Variants in PPARGC1B observed in about 807,000 individuals in gnomAD.
PPARGC1B encodes the protein peroxisome proliferator-activated receptor gamma coactivator 1-beta.
A neutral mutation model predicts 101.6 loss-of-function variants in PPARGC1B; 34 were observed. The ratio of observed to expected loss-of-function variants is 0.33; its 90% CI spans 0.25 to 0.45. The LOEUF (loss-of-function observed/expected upper bound fraction) is 0.45. PPARGC1B is among the 20% of genes least tolerant of loss of function. The pLI, the probability that PPARGC1B is intolerant of heterozygous loss-of-function variation, is 1.00. For synonymous variants in PPARGC1B, 548 were observed against 539.3 expected, an observed-to-expected ratio of 1.02 and a Z score of -0.22; for missense variants, 1,234 against 1,317.6, an observed-to-expected ratio of 0.94 and a Z score of 0.98.
rs1344087920 is a variant in PPARGC1B at position 149,848,115 on chromosome 5, TC to T, written c.*561del. The stretch of plus-strand genomic sequence containing the variant: ...GGTGTTTGCCACTGAGCTGCCCTGC[TC>T]CCCTTGCCAGATTGCCCTGGAGGTG... On this transcript the variant is annotated 3_prime_UTR_variant, in exon 12 of 12. Transcript: ENST00000309241. 1 of 153,916 alleles carries T rather than the reference TC, an allele frequency of 6.5e-6. No homozygotes were observed. The highest frequency in any genetic ancestry group is 2.4e-5 in the African/African-American group (1 of 41,470). The allele number at this position is 153,916 out of a possible 1,614,324, so 9.5% of individuals were successfully genotyped here.
intron 1 of PPARGC1B, among the ~76,000 whole-genome samples, chr5:149,806,056 T>C (rs1757586213): frequency 6.6e-6 from 1 of 152,232 alleles, no homozygotes; most frequent in Non-Finnish European, 1.5e-5. Context: ...AAGCCCAGGC[T>C]GGTGTGGAGT....
chr5:149,796,747 T>G (rs1324935062), intron 1 of PPARGC1B, among the ~76,000 whole-genome samples: 1 of 152,130 alleles, frequency 6.6e-6, no homozygotes, highest in Non-Finnish European at 1.5e-5. Flanking sequence ...TACTTAAATT[T>G]TGCTCCTCAG....
chr5:149,743,257 C>G (rs1431286256), intron 1 of PPARGC1B, among the ~76,000 whole-genome samples: 3 of 149,828 alleles, frequency 2.0e-5, no homozygotes, highest in Non-Finnish European at 4.4e-5. Context: ...CTGGGTTCAA[C>G]TGATTCTCCT....
At chr5:149,821,333 G>A (rs1758287549) in intron 2 of PPARGC1B, among the ~76,000 whole-genome samples, 4 of 152,214 alleles carry the variant, frequency 2.6e-5, no homozygotes, top group African/African-American at 9.6e-5. Context: ...TCAGGGGCAT[G>A]TAATGGCTAG....
intron 1 of PPARGC1B, among the ~76,000 whole-genome samples, chr5:149,806,060 G>A (rs1757586621): frequency 6.6e-6 from 1 of 152,268 alleles, no homozygotes; most frequent in African/African-American, 2.4e-5. Flanking sequence ...CCAGGCTGGT[G>A]TGGAGTCCTG....
At position 149,847,704 on chromosome 5, in the gene PPARGC1B, TAA is replaced by T. The variant is rs77950425; in HGVS notation, c.*159_*160del. 914 of 495,034 alleles carry T rather than the reference TAA, an allele frequency of 1.8e-3. 1 individual carries two copies. Among genetic ancestry groups the T allele is most frequent in the African/African-American group, 7.3e-3 (362 of 49,770 alleles). The allele number at this position is 495,034 out of a possible 1,614,324, so 30.7% of individuals were successfully genotyped here. A position where few individuals can be genotyped will look rare whatever the true frequency, so the allele number is the denominator to read the frequency against. ...AGAGAGACTTGAAACTGCTGTCCTT[TAA>T]AAAAAAAAAAAATCAATGTTTACAT... On this transcript the variant is annotated 3_prime_UTR_variant, in exon 12 of 12. Coordinates refer to ENST00000309241, the MANE Select transcript of PPARGC1B (RefSeq NM_133263.4).
intron 2 of PPARGC1B, 91 bp downstream of exon 2, chr5:149,820,697 C>T (rs560038940): frequency 2.2e-5 from 28 of 1,284,184 alleles, no homozygotes; most frequent in Non-Finnish European, 3.0e-5. Context: ...TTCTCCTGCA[C>T]TTGCTCATGC....
chr5:149,809,967 C>T (rs1757790002), intron 1 of PPARGC1B, among the ~76,000 whole-genome samples: 1 of 152,078 alleles, frequency 6.6e-6, no homozygotes, highest in Non-Finnish European at 1.5e-5. Flanking sequence ...GCGTTCCAGG[C>T]TGAGGAAGGC....
intron 1 of PPARGC1B, among the ~76,000 whole-genome samples, chr5:149,798,184 C>T (rs1345341369): frequency 6.6e-6 from 1 of 152,230 alleles, no homozygotes; most frequent in African/African-American, 2.4e-5. Context: ...ATTCCAAAGT[C>T]AGCGTTCAGA....
intron 1 of PPARGC1B, among the ~76,000 whole-genome samples, chr5:149,749,196 G>C (rs1024588275): frequency 6.6e-6 from 1 of 152,184 alleles, no homozygotes; most frequent in African/African-American, 2.4e-5. Flanking sequence ...ATGATACTTA[G>C]TGCCATCATA....
chr5:149,730,935 C>T lies in PPARGC1B; in HGVS notation c.78+515C>T, dbSNP rs1754438031. 6.6e-6 allele frequency among the ~76,000 whole-genome samples: 1 copy of T among 152,238 alleles called. No homozygotes were observed. Among genetic ancestry groups the T allele is most frequent in the Non-Finnish European group, 1.5e-5 (1 of 68,046 alleles). ...CGCGGCTTTCTACCCGCGCCCGCAG[C>T]GCGGAGTTTCCTGCCAGTTGCCGGC... On this transcript the variant is annotated intron_variant, in intron 1 of 11. Coordinates refer to ENST00000309241, the MANE Select transcript of PPARGC1B (RefSeq NM_133263.4). The surrounding 1 kb of genome is among the most constrained non-coding windows in gnomAD (Gnocchi z 4.0).
intron 1 of PPARGC1B, among the ~76,000 whole-genome samples, chr5:149,734,971 C>T (rs1754646421): frequency 6.6e-6 from 1 of 152,178 alleles, no homozygotes; most frequent in Non-Finnish European, 1.5e-5. Context: ...CCCAGAAGGG[C>T]CCCCTGCCAC....
At chr5:149,771,479 C>T (rs948320578) in intron 1 of PPARGC1B, among the ~76,000 whole-genome samples, 3 of 152,266 alleles carry the variant, frequency 2.0e-5, no homozygotes, top group Admixed American at 1.3e-4. Context: ...AGGGCAGGGC[C>T]CTGATTGCCC....
intron 1 of PPARGC1B, among the ~76,000 whole-genome samples, chr5:149,759,915 C>T (rs1400995915): frequency 2.0e-5 from 3 of 152,208 alleles, no homozygotes; most frequent in Non-Finnish European, 4.4e-5. Flanking sequence ...GATTTGAACC[C>T]AAGGCTTTTC....
intron 1 of PPARGC1B, among the ~76,000 whole-genome samples, chr5:149,752,555 G>C (rs918618263): frequency 2.0e-5 from 3 of 152,248 alleles, no homozygotes; most frequent in Non-Finnish European, 4.4e-5. Flanking sequence ...CAGGCCAGGC[G>C]TGGCGGCTCA....
At chr5:149,803,322 A>C in intron 1 of PPARGC1B, among the ~76,000 whole-genome samples, 1 of 152,200 alleles carries the variant, frequency 6.6e-6, no homozygotes. Context: ...GACTTTAGGC[A>C]GCTCACTTTC....
intron 3 of PPARGC1B, among the ~76,000 whole-genome samples, chr5:149,829,164 CTG>C (rs1432987525): frequency 6.6e-6 from 1 of 152,142 alleles, no homozygotes; most frequent in Non-Finnish European, 1.5e-5. Flanking sequence ...CTGTGGACCT[CTG>C]TGTGTCTGTG....
chr5:149,829,495 G>A (rs919795680), intron 3 of PPARGC1B, among the ~76,000 whole-genome samples: 1 of 152,188 alleles, frequency 6.6e-6, no homozygotes, highest in Middle Eastern at 3.4e-3. Context: ...GGAGTGACTT[G>A]GGGTGGCATG....
downstream of PPARGC1B, among the ~76,000 whole-genome samples, chr5:149,855,217 C>T (rs1478615589): frequency 6.6e-6 from 1 of 152,160 alleles, no homozygotes; most frequent in Non-Finnish European, 1.5e-5. Flanking sequence ...CCATTCGTGC[C>T]AGGCACAGGG....
Sources: gnomAD v4.1 joint callset for allele counts (sites outside exome capture counted in the v4.1 genomes callset) on GRCh38, gnomAD v4.1.1 for gene constraint, Gnocchi (gnomAD v3.1) non-coding constraint, MANE v1.5 for transcripts, NCBI Gene and HGNC (gene_info 2026-07-23, HGNC 2026-07-21) for gene names.